The following ADAMTS10 variants were observed in gnomAD, a reference collection of about 807,000 sequenced individuals.
ADAMTS10 encodes ADAM metallopeptidase with thrombospondin type 1 motif 10.
A neutral mutation model predicts 135.9 loss-of-function variants in ADAMTS10; 48 were observed. The observed-to-expected ratio is 0.35, with a 90% confidence interval of 0.28 to 0.45. ADAMTS10 has a LOEUF of 0.45. ADAMTS10 is among the 20% of genes least tolerant of loss of function. The probability of loss-of-function intolerance (pLI) is 1.00; values close to 1 mark genes in which losing one functional copy is unlikely to be tolerated. For missense variants in ADAMTS10, 1,131 were observed against 1,565.2 expected, an observed-to-expected ratio of 0.72 and a Z score of 4.68; for synonymous variants, 621 against 647.5, an observed-to-expected ratio of 0.96 and a Z score of 0.62.
rs1321109120 is a variant in ADAMTS10, at chr19:8,601,931, A to G, written c.593-786T>C. On this transcript the variant is annotated intron_variant, in intron 5 of 25. Transcript: ENST00000597188. The surrounding 1 kb of genome is among the most constrained non-coding windows in gnomAD (Gnocchi z 4.6). Reference sequence around the variant, plus strand: ...TCCCACAGCTAAGCTGGTTGGTTGAATCACTGTCCCATGATGACCAGCATG... The same window carrying G: ...TCCCACAGCTAAGCTGGTTGGTTGAGTCACTGTCCCATGATGACCAGCATG... 2.6e-5 allele frequency among the ~76,000 whole-genome samples: 4 copies of G among 152,150 alleles called. No homozygotes were observed. The highest frequency in any genetic ancestry group is 9.7e-5 in the African/African-American group (4 of 41,438).
intron 15 of ADAMTS10, among the ~76,000 whole-genome samples, chr19:8,590,944 T>C (rs1232784868): frequency 6.6e-6 from 1 of 152,174 alleles, no homozygotes; most frequent in Non-Finnish European, 1.5e-5. Flanking sequence ...TCAGGGTTTA[T>C]AGAAAGTGCT....
Position 8,580,826 on chromosome 19 carries a change from TGG to T in ADAMTS10, c.*65_*66del. On this transcript the variant is annotated 3_prime_UTR_variant, in exon 26 of 26. Transcript: ENST00000597188. ...GTTCCCGCCCCCCCGGGGCCCCCTC[TGG>T]CCGGCCCGCTGCAGGGCTGGCGGCG... 1 of 1,364,552 alleles carries T rather than the reference TGG, an allele frequency of 7.3e-7. No homozygotes were observed. The highest frequency in any genetic ancestry group is 1.0e-6 in the Non-Finnish European group (1 of 987,164). The allele number at this position is 1,364,552 out of a possible 1,614,324, so 84.5% of individuals were successfully genotyped here. A position where few individuals can be genotyped will look rare whatever the true frequency, so the allele number is the denominator to read the frequency against.
rs150055188 is a variant in ADAMTS10, at chr19:8,603,837, C to A, written c.483G>T (p.Leu161=). The A allele has an allele frequency of 6.2e-7, 1 of 1,613,952 alleles. No individual in the cohort carries two copies. Among genetic ancestry groups the A allele is most frequent in the South Asian group, 1.1e-5 (1 of 91,084 alleles). ...TCCGAGAACCCTTGGGCCCACCGTG[C>A]AGGGGCTCAATCAGGTACTCTTCCT... ...ADEEEYLIEP[L]HGGPKGSRSP... The change falls in exon 5 of 26, where the codon CTG becomes CTT. Residue 161 remains leucine (L), a synonymous_variant. Transcript: ENST00000597188.
chr19:8,590,388 C>T (rs1427737316), intron 15 of ADAMTS10, among the ~76,000 whole-genome samples: 1 of 152,182 alleles, frequency 6.6e-6, no homozygotes, highest in Non-Finnish European at 1.5e-5. Flanking sequence ...ATTCTTCTGC[C>T]TCAGCCTCCC....
intron 25 of ADAMTS10, among the ~76,000 whole-genome samples, chr19:8,583,631 G>A (rs1187246705): frequency 1.3e-5 from 2 of 152,096 alleles, no homozygotes. Flanking sequence ...TGGATTACTT[G>A]AGGCCAGGAG....
chr19:8,601,117 C>A lies in ADAMTS10; in HGVS notation c.621G>T (p.Trp207Cys). 6.2e-7 allele frequency: 1 copy of A among 1,613,930 alleles called. No homozygotes were observed. Among genetic ancestry groups the A allele is most frequent in the Non-Finnish European group, 8.5e-7 (1 of 1,180,040 alleles). The change falls in exon 6 of 26, where the codon TGG (tryptophan) becomes TGT (cysteine). Residue 207 changes from tryptophan (W) to cysteine (C), a missense_variant. Transcript: ENST00000597188. The surrounding 1 kb of genome is among the most constrained non-coding windows in gnomAD (Gnocchi z 4.6). ...RDEKPWKGRPWWLRTLKPPPA... is the reference protein window; with the variant it reads ...RDEKPWKGRPCWLRTLKPPPA... The stretch of plus-strand genomic sequence containing the variant: ...GCGGTGGCTTCAAGGTCCGCAGCCA[C>A]CATGGCCGCCCTTTCCACGGTTTCT...
chr19:8,593,069 T>G (rs1205187000), intron 12 of ADAMTS10, 199 bp from the exon 13 acceptor site: 1 of 626,210 alleles, frequency 1.6e-6, no homozygotes, highest in African/African-American at 1.8e-5. Flanking sequence ...CCCAATAAGC[T>G]CCATTTATGG....
In ADAMTS10 at chr19:8,589,582, C is replaced by T. The variant is rs1555738361; in HGVS notation, c.1904G>A (p.Gly635Asp). 1.2e-6 allele frequency: 2 copies of T among 1,613,238 alleles called. No homozygotes were observed. The highest frequency in any genetic ancestry group is 1.3e-5 in the African/African-American group (1 of 74,926). Residue 635 changes from glycine (G) to aspartate (D), a missense_variant, in exon 17 of 26, where the codon GGC (glycine) becomes GAC (aspartate). Coordinates refer to ENST00000597188, the MANE Select transcript of ADAMTS10 (RefSeq NM_030957.4). ...FYKWKTYRGGGVKACSLTCLA... is the reference protein window; with the variant it reads ...FYKWKTYRGGDVKACSLTCLA... ...GCACGTGAGCGAGCAGGCCTTCACG[C>T]CCCCTGGGGGGCACGGCCCCGTCAC...
At chr19:8,598,598 A>C (rs1555740778) in intron 6 of ADAMTS10, among the ~76,000 whole-genome samples, 1 of 104,138 alleles carries the variant, frequency 9.6e-6, no homozygotes, top group African/African-American at 3.9e-5. Flanking sequence ...TTTTTTGGAG[A>C]TGGAGTCTCA....
chr19:8,604,617 G>A (rs1285654122), intron 4 of ADAMTS10, among the ~76,000 whole-genome samples: 4 of 151,384 alleles, frequency 2.6e-5, no homozygotes, highest in Admixed American at 2.6e-4. Flanking sequence ...GAGTAGCTAG[G>A]ATTACATACA....
intron 1 of ADAMTS10, among the ~76,000 whole-genome samples, chr19:8,609,874 A>C (rs2042762059): frequency 6.6e-6 from 1 of 152,058 alleles, no homozygotes; most frequent in African/African-American, 2.4e-5. Flanking sequence ...TCCACCGCAG[A>C]CACACACGCC....
chr19:8,595,512 A>C, intron 12 of ADAMTS10: 1 of 539,418 alleles, frequency 1.9e-6, no homozygotes, highest in Non-Finnish European at 3.3e-6. Flanking sequence ...CCCCCAGCCC[A>C]GCCCTCAAAT....
At chr19:8,592,643 C>T (rs143622455) in intron 13 of ADAMTS10, 120 bp downstream of exon 13, 14 of 1,031,042 alleles carry the variant, frequency 1.4e-5, no homozygotes, top group Admixed American at 4.1e-5. Context: ...GCACAAATGG[C>T]GGGCGTGGCC....
chr19:8,589,822 C>G, intron 16 of ADAMTS10, 67 bp downstream of exon 16: 1 of 1,522,774 alleles, frequency 6.6e-7, no homozygotes, highest in Non-Finnish European at 9.1e-7. Flanking sequence ...TGCATTCATC[C>G]ACCTGCTGCT....
chr19:8,610,485 T>C (rs2042769293), intron 1 of ADAMTS10, among the ~76,000 whole-genome samples, 159 bp downstream of exon 1: 1 of 151,138 alleles, frequency 6.6e-6, no homozygotes, highest in South Asian at 2.1e-4. Context: ...GCGTGATCAG[T>C]GGCGCGCGCA....
At position 8,580,827 on chromosome 19, in the gene ADAMTS10, G is replaced by T; in HGVS notation, c.*66C>A. 7.3e-7 allele frequency: 1 copy of T among 1,372,684 alleles called. No homozygotes were observed. The highest frequency in any genetic ancestry group is 1.0e-6 in the Non-Finnish European group (1 of 994,040). The allele number at this position is 1,372,684 out of a possible 1,614,324, so 85.0% of individuals were successfully genotyped here. ...TTCCCGCCCCCCCGGGGCCCCCTCT[G>T]GCCGGCCCGCTGCAGGGCTGGCGGC... On this transcript the variant is annotated 3_prime_UTR_variant, in exon 26 of 26. Transcript: ENST00000597188.
chr19:8,605,803 C>T lies in ADAMTS10; in HGVS notation c.-93G>A, dbSNP rs930559394. 32 of 1,520,404 alleles carry T rather than the reference C, an allele frequency of 2.1e-5. No individual in the cohort carries two copies. The highest frequency in any genetic ancestry group is 1.8e-4 in the Admixed American group (9 of 49,304). 94.2% of individuals were successfully genotyped at this position (1,520,404 alleles called of 1,614,324 possible). The stretch of plus-strand genomic sequence containing the variant: ...CTGTTCACAGCCTTCGCAGCATCAC[C>T]GGGCTCCTGGGAGGGGGGAGCCAGG... On this transcript the variant is annotated 5_prime_UTR_variant, in exon 3 of 26. Coordinates refer to ENST00000597188, the MANE Select transcript of ADAMTS10 (RefSeq NM_030957.4). This position sits in a 1 kb window ranked among gnomAD's most constrained non-coding sequence, Gnocchi z 7.7.
intron 6 of ADAMTS10, 48 bp from the exon 7 acceptor site, chr19:8,597,365 G>A (rs782085325): frequency 1.1e-4 from 174 of 1,557,434 alleles, no homozygotes; most frequent in Non-Finnish European, 1.5e-4. Flanking sequence ...GGAGCCCAGG[G>A]TAGAAAATGA....
chr19:8,584,475 C>A (rs80044944), intron 25 of ADAMTS10, among the ~76,000 whole-genome samples: 131 of 149,184 alleles, frequency 8.8e-4, no homozygotes, highest in African/African-American at 3.2e-3. Context: ...AGCAAGACCC[C>A]ATCTCTCCAA....
Sources: allele counts gnomAD v4.1 joint callset (sites outside exome capture counted in the v4.1 genomes callset), GRCh38; gene constraint gnomAD v4.1.1; non-coding constraint Gnocchi (gnomAD v3.1); transcripts MANE v1.5; gene names NCBI Gene and HGNC (gene_info 2026-07-23, HGNC 2026-07-21).